RHOBTB2: variants seen among roughly 807,000 people sequenced by gnomAD.
RHOBTB2 encodes Rho related BTB domain containing 2.
RHOBTB2 carries 39 observed loss-of-function variants against 66.5 expected under a neutral mutation model. The ratio of observed to expected loss-of-function variants is 0.59; its 90% CI spans 0.45 to 0.77. The LOEUF (loss-of-function observed/expected upper bound fraction) is 0.77, where lower values mean the gene tolerates loss of function less well. Among genes scored for constraint, RHOBTB2 ranks in the 30% least tolerant of loss-of-function variants. RHOBTB2 has a pLI of 0.00. For missense variants in RHOBTB2, 755 were observed against 999.1 expected, an observed-to-expected ratio of 0.76 and a Z score of 3.29; for synonymous variants, 390 against 395.0, an observed-to-expected ratio of 0.99 and a Z score of 0.15.
chr8:22,993,379 G>T (rs1000960398), intron 2 of RHOBTB2, among the ~76,000 whole-genome samples: 15 of 152,116 alleles, frequency 9.9e-5, no homozygotes, highest in Admixed American at 3.3e-4. Flanking sequence ...CGTGCTGTCT[G>T]CCCTCCACAC....
chr8:23,004,544 A>G lies in RHOBTB2; in HGVS notation c.110A>G (p.Asn37Ser). 1 of 1,614,146 alleles carries G rather than the reference A, an allele frequency of 6.2e-7. No individual in the cohort carries two copies. Among genetic ancestry groups the G allele is most frequent in the Non-Finnish European group, 8.5e-7 (1 of 1,180,016 alleles). Residue 37 changes from asparagine to serine, a missense_variant, in exon 2 of 10, where the codon AAT (asparagine) becomes AGT (serine). This residue lies in a region of RHOBTB2 where 65 missense variants were observed against 152.4 expected (regional missense o/e 0.43). Transcript: ENST00000251822. The surrounding 1 kb of genome is among the most constrained non-coding windows in gnomAD (Gnocchi z 6.4). ...AGGCTCATCTGTGCCCGCGCTTGCA[A>G]TGCCACCCTCACCCAGTACCAGCTG... ...KTRLICARAC[N>S]ATLTQYQLLA... is the part of the protein sequence containing the mutation.
rs184693258 is a variant in RHOBTB2, at chr8:23,000,053, G to T, written c.-63G>T. The T allele has an allele frequency of 1.0e-6, 1 of 985,510 alleles. No individual in the cohort carries two copies. Among genetic ancestry groups the T allele is most frequent in the Admixed American group, 6.1e-5 (1 of 16,294 alleles). 61.0% of individuals were successfully genotyped at this position (985,510 alleles called of 1,614,324 possible). On this transcript the variant is annotated 5_prime_UTR_variant, in exon 1 of 10. Coordinates refer to ENST00000251822, the MANE Select transcript of RHOBTB2 (RefSeq NM_015178.3). Reference sequence around the variant, plus strand: ...CATTTCACTAAAATGAGCGTGCTCAGCAGGAAGAGATGTGTTCCTCACGCT... The same window carrying T: ...CATTTCACTAAAATGAGCGTGCTCATCAGGAAGAGATGTGTTCCTCACGCT...
At chr8:22,987,175 A>G (rs1810303298), upstream of RHOBTB2, among the ~76,000 whole-genome samples, 1 of 152,254 alleles carries the variant, frequency 6.6e-6, no homozygotes, top group Non-Finnish European at 1.5e-5. Context: ...GGCCAGGACA[A>G]TAAGAGCAGG....
At position 23,014,824 on chromosome 8, in the gene RHOBTB2, T is replaced by C. The variant is rs759233308; in HGVS notation, c.1860+46T>C. The stretch of plus-strand genomic sequence containing the variant: ...ATCTACAACAGTCTCAGTTCTACAC[T>C]CTGCCTGCCCATTGGCTGCGAATGG... On this transcript the variant is annotated intron_variant, in intron 8 of 9. Coordinates refer to ENST00000251822, the MANE Select transcript of RHOBTB2 (RefSeq NM_015178.3). 48 of 1,490,728 alleles carry C rather than the reference T, an allele frequency of 3.2e-5. 1 individual carries two copies. The South Asian group carries it at 5.0e-4, about 16-fold the overall frequency. The allele number at this position is 1,490,728 out of a possible 1,614,324, so 92.3% of individuals were successfully genotyped here. A position where few individuals can be genotyped will look rare whatever the true frequency, so the allele number is the denominator to read the frequency against.
rs1021021210 is a variant in RHOBTB2 at position 22,999,566 on chromosome 8, C to A, written c.-550C>A. 1.6e-5 allele frequency: 19 copies of A among 1,208,790 alleles called. No homozygotes were observed. The highest frequency in any genetic ancestry group is 7.1e-5 in the South Asian group (5 of 70,266). 74.9% of individuals were successfully genotyped at this position (1,208,790 alleles called of 1,614,324 possible). ...AGTGGGCGGGGCCCGTCACGGCTGT[C>A]GTCTTGGGTGCGATTTTTTTCTCCT... is the stretch of plus-strand genomic sequence containing the variant. On this transcript the variant is annotated 5_prime_UTR_variant, in exon 1 of 10. Coordinates refer to ENST00000251822, the MANE Select transcript of RHOBTB2 (RefSeq NM_015178.3).
At chr8:22,981,478 C>G in the RHOBTB2 span, among the ~76,000 whole-genome samples, 1 of 152,346 alleles carries the variant, frequency 6.6e-6, no homozygotes, top group South Asian at 2.1e-4. Context: ...CCAGGGCAGG[C>G]CCCTCTAGAC....
At chr8:22,977,928 T>C in the RHOBTB2 span, 1 of 151,186 alleles carries the variant, frequency 6.6e-6, no homozygotes, top group South Asian at 2.1e-4. Flanking sequence ...GAGGCTGGAG[T>C]GGGAGGATTG....
chr8:23,006,001 A>G lies in RHOBTB2; in HGVS notation c.338A>G (p.Asn113Ser). The G allele has an allele frequency of 6.2e-7, 1 of 1,613,580 alleles. No homozygotes were observed. Residue 113 changes from asparagine (N) to serine (S), a missense_variant, in exon 4 of 10, where the codon AAT (asparagine) becomes AGT (serine). By Grantham distance (46) the Asn-to-Ser change is conservative (BLOSUM62 1). Coordinates refer to ENST00000251822, the MANE Select transcript of RHOBTB2 (RefSeq NM_015178.3). The surrounding 1 kb of genome is among the most constrained non-coding windows in gnomAD (Gnocchi z 6.1). ...CTGTGCTTCTCCATTGCCAACCCCA[A>G]TTCCCTCCACCATGTCAAGACCATG... ...VVLCFSIANPNSLHHVKTMWY... is the reference protein window; with the variant it reads ...VVLCFSIANPSSLHHVKTMWY...
At chr8:22,993,793 T>C (rs1002082867) in intron 2 of RHOBTB2, among the ~76,000 whole-genome samples, 4 of 152,226 alleles carry the variant, frequency 2.6e-5, no homozygotes, top group African/African-American at 7.2e-5. Flanking sequence ...CCTCCAGAGC[T>C]GTCTGCCTGG....
In RHOBTB2 at chr8:23,017,240, T is replaced by C. The variant is rs773300039; in HGVS notation, c.1967-12T>C. 2 of 1,613,884 alleles carry C rather than the reference T, an allele frequency of 1.2e-6. No homozygotes were observed. The highest frequency in any genetic ancestry group is 1.1e-5 in the South Asian group (1 of 91,076). On this transcript the variant is annotated splice_polypyrimidine_tract_variant and intron_variant, in intron 9 of 9. Coordinates refer to ENST00000251822, the MANE Select transcript of RHOBTB2 (RefSeq NM_015178.3). This position sits in a 1 kb window ranked among gnomAD's most constrained non-coding sequence, Gnocchi z 5.3. Reference sequence around the variant, plus strand: ...CCTCCTTTCTAACCAAGCTGCCTGCTCTCTGCTCCAGAAAACCAGGAGTAT... The same window carrying C: ...CCTCCTTTCTAACCAAGCTGCCTGCCCTCTGCTCCAGAAAACCAGGAGTAT...
the RHOBTB2 span, among the ~76,000 whole-genome samples, chr8:22,951,444 T>C: frequency 1.3e-5 from 2 of 152,180 alleles, no homozygotes; most frequent in South Asian, 4.2e-4. Flanking sequence ...GGCTGTTTAT[T>C]TCACCTGGGT....
intron 9 of RHOBTB2, 47 bp downstream of exon 9, chr8:23,015,790 G>C: frequency 7.6e-7 from 1 of 1,310,468 alleles, no homozygotes; most frequent in Non-Finnish European, 1.1e-6. Context: ...CCTCCCCTTA[G>C]GGGTGCACAG....
the RHOBTB2 span, among the ~76,000 whole-genome samples, chr8:22,982,368 C>G: frequency 6.6e-6 from 1 of 152,212 alleles, no homozygotes; most frequent in Non-Finnish European, 1.5e-5. Flanking sequence ...TGCCTGTAAT[C>G]CCAGCACTTT....
chr8:23,010,826 T>TGA (rs2128806394), intron 7 of RHOBTB2, 138 bp downstream of exon 7: 1 of 978,170 alleles, frequency 1.0e-6, no homozygotes, highest in South Asian at 1.6e-5. Context: ...TGGAATCTGT[T>TGA]GACGGGCACA....
intron 1 of RHOBTB2, among the ~76,000 whole-genome samples, chr8:23,003,313 G>T (rs1810842079): frequency 6.6e-6 from 1 of 152,218 alleles, no homozygotes; most frequent in Non-Finnish European, 1.5e-5. Flanking sequence ...CCTTCTGTTT[G>T]TTCATTCAAG....
intron 1 of RHOBTB2, among the ~76,000 whole-genome samples, chr8:23,000,413 C>T (rs369793083): frequency 7.9e-5 from 12 of 152,144 alleles, no homozygotes; most frequent in African/African-American, 2.4e-4. Context: ...AAAAACGGTC[C>T]AGAGTGGTGG....
Position 23,006,828 on chromosome 8 carries a change from G to A in RHOBTB2, c.583G>A (p.Gly195Ser), listed in dbSNP as rs778900632. ...YYETSVVAQF[G>S]IKDVFDNAIR... The stretch of plus-strand genomic sequence containing the variant: ...TGAGACCAGCGTGGTGGCCCAGTTC[G>A]GCATCAAGGACGTCTTTGACAACGC... The change falls in exon 5 of 10, where the codon GGC becomes AGC. Residue 195 changes from glycine to serine, a missense_variant. This residue lies in a region of RHOBTB2 where 35 missense variants were observed against 38.1 expected (regional missense o/e 0.92). Coordinates refer to ENST00000251822, the MANE Select transcript of RHOBTB2 (RefSeq NM_015178.3). The surrounding 1 kb of genome is among the most constrained non-coding windows in gnomAD (Gnocchi z 6.1). 13 of 1,613,954 alleles carry A rather than the reference G, an allele frequency of 8.1e-6. No homozygotes were observed. Among genetic ancestry groups the A allele is most frequent in the African/African-American group, 1.3e-5 (1 of 74,872 alleles).
At chr8:22,994,830 A>C (rs965673752), upstream of RHOBTB2, among the ~76,000 whole-genome samples, 7 of 152,178 alleles carry the variant, frequency 4.6e-5, no homozygotes, top group African/African-American at 1.7e-4. Flanking sequence ...CAATGGCGTG[A>C]TCTCGGCTCA....
the RHOBTB2 span, among the ~76,000 whole-genome samples, chr8:22,968,557 AT>A: frequency 6.6e-6 from 1 of 152,262 alleles, no homozygotes; most frequent in East Asian, 1.9e-4. Context: ...TATTCAAGAC[AT>A]TTTTTGAAAA....
Sources: allele counts gnomAD v4.1 joint callset (sites outside exome capture counted in the v4.1 genomes callset), GRCh38; gene constraint gnomAD v4.1.1; regional missense constraint gnomAD v4.1.1; non-coding constraint Gnocchi (gnomAD v3.1); transcripts MANE v1.5; gene names NCBI Gene and HGNC (gene_info 2026-07-23, HGNC 2026-07-21).